The following BCKDHB variants were observed in gnomAD, a reference collection of about 807,000 sequenced individuals.
BCKDHB encodes branched chain keto acid dehydrogenase E1 subunit beta.
A neutral mutation model predicts 48.5 loss-of-function variants in BCKDHB; 41 were observed. That is an observed-to-expected ratio of 0.85 (90% CI 0.66 to 1.10). BCKDHB has a LOEUF of 1.10. BCKDHB is among the 50% of genes least tolerant of loss of function. The pLI is 0.00. For missense variants in BCKDHB, 496 were observed against 494.2 expected (o/e 1.00, Z -0.03); for synonymous variants, 201 against 174.8 (o/e 1.15, Z -1.18).
intron 8 of BCKDHB, among the ~76,000 whole-genome samples, chr6:80,267,286 T>TA (rs1405050470): frequency 6.6e-6 from 1 of 152,104 alleles, no homozygotes; most frequent in Non-Finnish European, 1.5e-5. Context: ...TTCACCTTAT[T>TA]ACTGTACTTG....
chr6:80,142,286 CAT>C (rs974395108), intron 3 of BCKDHB, among the ~76,000 whole-genome samples: 1 of 151,956 alleles, frequency 6.6e-6, no homozygotes, highest in African/African-American at 2.4e-5. Context: ...GAGAGTTTAA[CAT>C]ATAATGTTAT....
chr6:80,202,353 A>T (rs554947385), intron 7 of BCKDHB, among the ~76,000 whole-genome samples: 36 of 152,070 alleles, frequency 2.4e-4, no homozygotes, highest in Non-Finnish European at 4.9e-4. Context: ...CTTATTTAAA[A>T]AGTATGTTTC....
intron 6 of BCKDHB, among the ~76,000 whole-genome samples, chr6:80,198,162 T>A (rs1464090620): frequency 3.3e-5 from 5 of 152,202 alleles, no homozygotes; most frequent in Non-Finnish European, 7.3e-5. Context: ...GTTCTGCTGT[T>A]GTAGGGTAGA....
intron 3 of BCKDHB, among the ~76,000 whole-genome samples, chr6:80,151,874 T>C (rs1771802147): frequency 6.6e-6 from 1 of 152,148 alleles, no homozygotes; most frequent in Non-Finnish European, 1.5e-5. Flanking sequence ...TTAGATGATG[T>C]TGGCATGCTG....
the BCKDHB span, among the ~76,000 whole-genome samples, chr6:80,451,675 G>A: frequency 6.6e-6 from 1 of 151,858 alleles, no homozygotes; most frequent in Non-Finnish European, 1.5e-5. Flanking sequence ...GTTGCAATGA[G>A]CGGAGATCAC....
intron 8 of BCKDHB, among the ~76,000 whole-genome samples, chr6:80,206,830 C>G (rs959411301): frequency 8.6e-5 from 13 of 151,714 alleles, no homozygotes; most frequent in African/African-American, 3.1e-4. Flanking sequence ...AAATCTCTAA[C>G]AGTATCTAAA....
chr6:80,351,528 G>A, the BCKDHB span, among the ~76,000 whole-genome samples: 1 of 152,116 alleles, frequency 6.6e-6, no homozygotes, highest in Non-Finnish European at 1.5e-5. Context: ...CTGGGCAGTC[G>A]TAGGACACCA....
chr6:80,253,499 G>T (rs1776916015), intron 8 of BCKDHB, among the ~76,000 whole-genome samples: 1 of 151,964 alleles, frequency 6.6e-6, no homozygotes, highest in African/African-American at 2.4e-5. Flanking sequence ...TCCATTCCTT[G>T]GTCAAGGGAA....
At chr6:80,289,613 C>T (rs746522576) in intron 9 of BCKDHB, among the ~76,000 whole-genome samples, 10 of 152,110 alleles carry the variant, frequency 6.6e-5, no homozygotes, top group Non-Finnish European at 1.2e-4. Flanking sequence ...GGCTAGTTCC[C>T]AGCCCCGAAT....
the BCKDHB span, among the ~76,000 whole-genome samples, chr6:80,354,013 T>C: frequency 6.6e-6 from 1 of 152,162 alleles, no homozygotes; most frequent in Non-Finnish European, 1.5e-5. Context: ...ATTCATATTT[T>C]TTGCCCATTT....
At chr6:80,297,688 G>T (rs1767323369) in intron 9 of BCKDHB, among the ~76,000 whole-genome samples, 1 of 152,200 alleles carries the variant, frequency 6.6e-6, no homozygotes, top group African/African-American at 2.4e-5. Context: ...TTACCTCTCA[G>T]TGGAGAGTGA....
intron 9 of BCKDHB, among the ~76,000 whole-genome samples, chr6:80,334,665 A>G (rs1375074911): frequency 6.6e-6 from 1 of 151,928 alleles, no homozygotes; most frequent in Non-Finnish European, 1.5e-5. Flanking sequence ...TAATTTTAGT[A>G]AAAACATTGG....
the BCKDHB span, among the ~76,000 whole-genome samples, chr6:80,371,752 T>C: frequency 1.3e-5 from 2 of 152,140 alleles, no homozygotes; most frequent in Non-Finnish European, 2.9e-5. Context: ...CTTTTCCCCC[T>C]TTATGTTTTT....
chr6:80,262,048 C>T (rs1777329246), intron 8 of BCKDHB, among the ~76,000 whole-genome samples: 1 of 152,150 alleles, frequency 6.6e-6, no homozygotes, highest in African/African-American at 2.4e-5. Flanking sequence ...CCATCTTGAT[C>T]TCTGGTGTAG....
chr6:80,320,612 A>G (rs1278402756), intron 9 of BCKDHB, among the ~76,000 whole-genome samples: 1 of 152,258 alleles, frequency 6.6e-6, no homozygotes, highest in Non-Finnish European at 1.5e-5. Context: ...GGAGGCCTGT[A>G]GAAGAATCAG....
chr6:80,296,179 C>T (rs2127988485), intron 9 of BCKDHB, among the ~76,000 whole-genome samples: 1 of 152,218 alleles, frequency 6.6e-6, no homozygotes, highest in East Asian at 1.9e-4. Context: ...GTTACAATCA[C>T]CATAGTTATC....
chr6:80,374,436 G>A, the BCKDHB span: 1 of 768,004 alleles, frequency 1.3e-6, no homozygotes, highest in Non-Finnish European at 2.4e-6. Flanking sequence ...CAGATATTTT[G>A]TGGCTTTTCA....
At chr6:80,296,416 T>C (rs1767250930) in intron 9 of BCKDHB, among the ~76,000 whole-genome samples, 1 of 152,212 alleles carries the variant, frequency 6.6e-6, no homozygotes, top group Non-Finnish European at 1.5e-5. Context: ...CATATTGGAA[T>C]TGTAGGAGTT....
the BCKDHB span, among the ~76,000 whole-genome samples, chr6:80,401,302 C>T: frequency 6.6e-6 from 1 of 151,832 alleles, no homozygotes; most frequent in East Asian, 1.9e-4. Flanking sequence ...ATATGCCTCT[C>T]AATGAGTCCA....
Sources: allele counts gnomAD v4.1 joint callset (sites outside exome capture counted in the v4.1 genomes callset), GRCh38; gene constraint gnomAD v4.1.1; transcripts MANE v1.5; gene names NCBI Gene and HGNC (gene_info 2026-07-23, HGNC 2026-07-21).